Variants in EDIL3 observed in about 807,000 individuals in gnomAD.
EDIL3 encodes the protein EGF like and discoidin domains 3, also known as EGF-like repeat and discoidin I-like domain-containing protein 3.
EDIL3 carries 37 observed loss-of-function variants against 67.4 expected under a neutral mutation model. The observed-to-expected ratio is 0.55, with a 90% CI of 0.42 to 0.72. EDIL3 has a LOEUF of 0.72. Ranked by LOEUF, EDIL3 falls within the 30% of genes least tolerant of loss-of-function variation. EDIL3 has a pLI of 0.00. For synonymous variants in EDIL3, 195 were observed against 196.3 expected, an observed-to-expected ratio of 0.99 and a Z score of 0.05; for missense variants, 527 against 586.3, an observed-to-expected ratio of 0.90 and a Z score of 1.04.
intron 10 of EDIL3, among the ~76,000 whole-genome samples, chr5:83,953,505 T>C (rs768703758): frequency 6.6e-6 from 1 of 151,842 alleles, no homozygotes; most frequent in Non-Finnish European, 1.5e-5. Context: ...GCAATTTTGT[T>C]ATGTAAAAGT....
intron 1 of EDIL3, among the ~76,000 whole-genome samples, chr5:84,273,938 T>A (rs1169028719): frequency 6.6e-6 from 1 of 152,186 alleles, no homozygotes; most frequent in African/African-American, 2.4e-5. Flanking sequence ...CTTCCCAGTG[T>A]GTACATCTAT....
intron 1 of EDIL3, among the ~76,000 whole-genome samples, chr5:84,258,593 TC>T (rs1745164824): frequency 6.6e-6 from 1 of 152,162 alleles, no homozygotes; most frequent in Non-Finnish European, 1.5e-5. Context: ...GCACATTCTT[TC>T]TTAAAGAAGG....
chr5:84,269,749 T>C (rs144279396), intron 1 of EDIL3, among the ~76,000 whole-genome samples: 42 of 152,274 alleles, frequency 2.8e-4, no homozygotes, highest in Admixed American at 7.2e-4. Flanking sequence ...CCAAAGTTAA[T>C]GCAACTGTTG....
At chr5:84,186,104 C>G (rs1048592238) in intron 3 of EDIL3, among the ~76,000 whole-genome samples, 1 of 151,958 alleles carries the variant, frequency 6.6e-6, no homozygotes, top group Non-Finnish European at 1.5e-5. Flanking sequence ...TGATAATAAG[C>G]AGGCTATTCA....
chr5:84,067,554 G>A (rs1369536454), intron 6 of EDIL3, among the ~76,000 whole-genome samples: 1 of 152,096 alleles, frequency 6.6e-6, no homozygotes, highest in Non-Finnish European at 1.5e-5. Flanking sequence ...ATTTAAATAT[G>A]TCATACCATA....
intron 9 of EDIL3, among the ~76,000 whole-genome samples, chr5:84,040,889 T>C (rs1746107639): frequency 6.6e-6 from 1 of 152,182 alleles, no homozygotes; most frequent in Non-Finnish European, 1.5e-5. Flanking sequence ...CCCAACACTT[T>C]GGGAGGCCAA....
chr5:84,373,129 C>T (rs1028496132), intron 1 of EDIL3, among the ~76,000 whole-genome samples: 2 of 152,140 alleles, frequency 1.3e-5, no homozygotes, highest in African/African-American at 2.4e-5. Flanking sequence ...GTCATCTTTG[C>T]TCCTCTACCA....
intron 1 of EDIL3, among the ~76,000 whole-genome samples, chr5:84,264,736 A>G (rs993803432): frequency 6.6e-6 from 1 of 152,214 alleles, no homozygotes; most frequent in Non-Finnish European, 1.5e-5. Flanking sequence ...AGGACAAACT[A>G]AAATATTGAA....
chr5:84,286,301 G>A (rs534318972), intron 1 of EDIL3, among the ~76,000 whole-genome samples: 20 of 152,162 alleles, frequency 1.3e-4, no homozygotes, highest in Middle Eastern at 3.4e-3. Context: ...AAGAGAGTAG[G>A]GAGTCATAGA....
intron 1 of EDIL3, among the ~76,000 whole-genome samples, chr5:84,335,789 C>T (rs543902458): frequency 2.0e-5 from 3 of 152,150 alleles, no homozygotes; most frequent in African/African-American, 7.2e-5. Context: ...CTATAATTAA[C>T]GTCTAAGACT....
At chr5:84,207,566 CAA>C (rs1423869126) in intron 3 of EDIL3, among the ~76,000 whole-genome samples, 2 of 151,384 alleles carry the variant, frequency 1.3e-5, no homozygotes, top group African/African-American at 4.9e-5. Context: ...CATATGGAAC[CAA>C]AAAAGAGCCC....
chr5:84,201,517 G>T (rs1055418688), intron 3 of EDIL3, among the ~76,000 whole-genome samples: 4 of 152,050 alleles, frequency 2.6e-5, no homozygotes, highest in African/African-American at 9.7e-5. Context: ...CAGAAAGCAT[G>T]TGTCTAATGC....
At chr5:84,217,679 C>T (rs1348554002) in intron 3 of EDIL3, among the ~76,000 whole-genome samples, 1 of 150,042 alleles carries the variant, frequency 6.7e-6, no homozygotes, top group African/African-American at 2.5e-5. Flanking sequence ...AAGCCAATTC[C>T]TCAAAATAAA....
At chr5:84,127,180 A>G (rs1747883524) in intron 5 of EDIL3, among the ~76,000 whole-genome samples, 1 of 152,020 alleles carries the variant, frequency 6.6e-6, no homozygotes, top group East Asian at 1.9e-4. Context: ...CTATAGTTCT[A>G]TCCATTTTTC....
intron 1 of EDIL3, among the ~76,000 whole-genome samples, chr5:84,280,067 A>G (rs1745666485): frequency 6.6e-6 from 1 of 152,164 alleles, no homozygotes; most frequent in Admixed American, 6.5e-5. Flanking sequence ...GACTTGTATC[A>G]CCAAAGGGCA....
chr5:84,121,927 G>C (rs893449981), intron 5 of EDIL3, among the ~76,000 whole-genome samples: 2 of 151,904 alleles, frequency 1.3e-5, no homozygotes, highest in Non-Finnish European at 2.9e-5. Flanking sequence ...TTATATCTGG[G>C]TCCTGACCGA....
At chr5:84,329,582 GTA>G (rs1052200580) in intron 1 of EDIL3, among the ~76,000 whole-genome samples, 1 of 151,986 alleles carries the variant, frequency 6.6e-6, no homozygotes, top group African/African-American at 2.4e-5. Context: ...CACCTGTTGT[GTA>G]TACTGTTTAT....
chr5:84,045,528 C>T lies in EDIL3; in HGVS notation c.1137+14772G>A, dbSNP rs181312040. On this transcript the variant is annotated intron_variant, in intron 9 of 10. Transcript: ENST00000296591. Reference sequence around the variant, plus strand: ...TCTCTTCTAGTGAAAAAAAAATGTACATCTATTTTTTAAAATATAAACTAA... The same window carrying T: ...TCTCTTCTAGTGAAAAAAAAATGTATATCTATTTTTTAAAATATAAACTAA... 5.3e-4 allele frequency among the ~76,000 whole-genome samples: 80 copies of T among 152,154 alleles called. 2 individuals carry two copies. Among genetic ancestry groups the T allele is most frequent in the Middle Eastern group, 6.8e-3 (2 of 294 alleles).
At chr5:84,315,382 C>G (rs1263330116) in intron 1 of EDIL3, among the ~76,000 whole-genome samples, 5 of 152,082 alleles carry the variant, frequency 3.3e-5, no homozygotes, top group African/African-American at 1.2e-4. Flanking sequence ...CCTAAATTTT[C>G]AATCATAACC....
Sources: allele counts gnomAD v4.1 joint callset (sites outside exome capture counted in the v4.1 genomes callset), GRCh38; gene constraint gnomAD v4.1.1; transcripts MANE v1.5; gene names NCBI Gene and HGNC (gene_info 2026-07-23, HGNC 2026-07-21).